ITGAE: variants seen among roughly 807,000 people sequenced by gnomAD.
ITGAE encodes integrin subunit alpha E, also known as integrin alpha-E.
A neutral mutation model predicts 136.5 loss-of-function variants in ITGAE; 99 were observed. That is an observed-to-expected ratio of 0.73 (90% confidence interval 0.62 to 0.86). The LOEUF (loss-of-function observed/expected upper bound fraction) is 0.86, where lower values mean the gene tolerates loss of function less well. ITGAE is among the 40% of genes least tolerant of loss of function. The pLI is 0.00. For missense variants in ITGAE, 1,447 were observed against 1,515.3 expected (o/e 0.95, Z 0.75); for synonymous variants, 613 against 591.8 (o/e 1.04, Z -0.52).
chr17:3,753,745 A>G (rs746516382), intron 13 of ITGAE, 38 bp downstream of exon 13: 1 of 1,610,478 alleles, frequency 6.2e-7, no homozygotes, highest in Admixed American at 1.7e-5. Context: ...CAGATTCCCC[A>G]TCGGTCATAA....
chr17:3,767,745 C>A (rs1409915466), intron 2 of ITGAE, among the ~76,000 whole-genome samples: 1 of 152,088 alleles, frequency 6.6e-6, no homozygotes, highest in Non-Finnish European at 1.5e-5. Flanking sequence ...ACCTCAGCCT[C>A]ACAAGTTGCT....
intron 1 of ITGAE, among the ~76,000 whole-genome samples, chr17:3,784,014 A>G (rs187480814): frequency 0.014 from 2,149 of 152,348 alleles, 49 homozygotes; most frequent in African/African-American, 0.049. Flanking sequence ...TAATCCCAGC[A>G]CTTTGGGAGG....
At chr17:3,754,956 T>C (rs1032042408) in intron 12 of ITGAE, among the ~76,000 whole-genome samples, 161 bp downstream of exon 12, 9 of 22,918 alleles carry the variant, frequency 3.9e-4, no homozygotes, top group South Asian at 1.4e-3. Flanking sequence ...CCAGGTAGCC[T>C]CCAGGCCCCG....
intron 5 of ITGAE, 109 bp from the exon 6 acceptor site, chr17:3,761,286 G>C (rs1597343343): frequency 6.5e-7 from 1 of 1,548,948 alleles, no homozygotes; most frequent in East Asian, 2.3e-5. Context: ...CCTCAACCCT[G>C]CCTTGCTCCA....
At chr17:3,720,584 CT>C (rs66495360) in intron 28 of ITGAE, 182 bp from the exon 29 acceptor site, 145,071 of 320,656 alleles carry the variant, frequency 0.45, 19,688 homozygotes, top group Middle Eastern at 0.51. Flanking sequence ...CTTCAACTTC[CT>C]TTTTTTTTTT....
intron 24 of ITGAE, 153 bp downstream of exon 24, chr17:3,729,325 G>T: frequency 1.5e-6 from 1 of 653,080 alleles, no homozygotes; most frequent in Non-Finnish European, 2.8e-6. Context: ...GCACCCTAGA[G>T]ATCAATATCA....
intron 1 of ITGAE, among the ~76,000 whole-genome samples, chr17:3,780,935 C>A (rs2052653199): frequency 6.6e-6 from 1 of 151,990 alleles, no homozygotes; most frequent in African/African-American, 2.4e-5. Context: ...AACTCCTGGG[C>A]TCAAGTAATC....
At chr17:3,753,544 A>T (rs1401512208) in intron 13 of ITGAE, 114 bp from the exon 14 acceptor site, 1 of 1,342,712 alleles carries the variant, frequency 7.4e-7, no homozygotes, top group African/African-American at 1.5e-5. Context: ...GTTACATATC[A>T]ATTTGCTCAC....
chr17:3,797,143 A>ATTT (rs2053125129), intron 1 of ITGAE, among the ~76,000 whole-genome samples: 1 of 40,954 alleles, frequency 2.4e-5, no homozygotes. Context: ...GAAACTAAAT[A>ATTT]TATATATATA....
intron 8 of ITGAE, among the ~76,000 whole-genome samples, chr17:3,758,677 C>G (rs1242760662): frequency 6.6e-6 from 1 of 150,600 alleles, no homozygotes; most frequent in Non-Finnish European, 1.5e-5. Flanking sequence ...GTCTTGAACT[C>G]CTGACCTCAG....
intron 13 of ITGAE, 46 bp downstream of exon 13, chr17:3,753,737 G>C: frequency 6.2e-7 from 1 of 1,607,044 alleles, no homozygotes; most frequent in South Asian, 1.1e-5. Flanking sequence ...GGGGCCTCCA[G>C]ATTCCCCATC....
intron 13 of ITGAE, 76 bp from the exon 14 acceptor site, chr17:3,753,506 G>A (rs2051923113): frequency 1.9e-6 from 3 of 1,539,942 alleles, no homozygotes; most frequent in African/African-American, 1.4e-5. Context: ...CCCTGCCCGC[G>A]TGCTTCCTGG....
intron 21 of ITGAE, among the ~76,000 whole-genome samples, chr17:3,732,955 C>T (rs1481010858): frequency 6.6e-6 from 1 of 152,116 alleles, no homozygotes; most frequent in Admixed American, 6.6e-5. Context: ...CCTAGTTCCC[C>T]TCTAGATGCC....
intron 2 of ITGAE, among the ~76,000 whole-genome samples, chr17:3,773,328 T>TA (rs2052470572): frequency 6.6e-6 from 1 of 151,920 alleles, no homozygotes; most frequent in Non-Finnish European, 1.5e-5. Flanking sequence ...CCGTCTCTAC[T>TA]AAAAATACAA....
rs1390817158 is a variant in ITGAE at position 3,785,486 on chromosome 17, A to C, written c.35-7826T>G. Among the ~76,000 whole-genome samples the C allele has an allele frequency of 3.6e-5, 5 of 140,526 alleles. No individual in the cohort carries two copies. The South Asian group carries it at 9.5e-4, about 27-fold the overall frequency. The allele number at this position is 140,526 out of a possible 152,430, so 92.2% of individuals were successfully genotyped here. On this transcript the variant is annotated intron_variant, in intron 1 of 30. Transcript: ENST00000263087. ...TGGGAAAGAAGAAAGAAAGGAAGGA[A>C]GGAAGGAAGGAGGAAGGAAGGAAGG...
intron 28 of ITGAE, among the ~76,000 whole-genome samples, chr17:3,721,983 C>T (rs1019636270): frequency 6.6e-6 from 1 of 151,400 alleles, no homozygotes; most frequent in African/African-American, 2.4e-5. Context: ...AGTTCAAGAC[C>T]AGCCTCACCA....
At chr17:3,785,107 G>C (rs995009271) in intron 1 of ITGAE, among the ~76,000 whole-genome samples, 7 of 152,020 alleles carry the variant, frequency 4.6e-5, no homozygotes, top group African/African-American at 1.7e-4. Context: ...AGCCAAGATT[G>C]TATCACTGCA....
intron 26 of ITGAE, among the ~76,000 whole-genome samples, chr17:3,727,634 T>C (rs950618707): frequency 7.2e-5 from 11 of 152,110 alleles, no homozygotes; most frequent in South Asian, 2.1e-4. Flanking sequence ...CTGCTGACCT[T>C]GTGATCCACC....
At chr17:3,716,613 G>T in intron 30 of ITGAE, 75 bp downstream of exon 30, 2 of 861,304 alleles carry the variant, frequency 2.3e-6, no homozygotes, top group Non-Finnish European at 3.8e-6. Context: ...GTCAGAGGTT[G>T]GCTGTCCTAA....
Sources: gnomAD v4.1 joint callset for allele counts (sites outside exome capture counted in the v4.1 genomes callset) on GRCh38, gnomAD v4.1.1 for gene constraint, MANE v1.5 for transcripts, NCBI Gene and HGNC (gene_info 2026-07-23, HGNC 2026-07-21) for gene names.